The following AGTPBP1 variants were observed in gnomAD, a reference collection of about 807,000 sequenced individuals.
The protein encoded by AGTPBP1 is ATP/GTP binding carboxypeptidase 1.
A neutral mutation model predicts 143.9 loss-of-function variants in AGTPBP1; 70 were observed. The ratio of observed to expected loss-of-function variants is 0.49; its 90% CI spans 0.40 to 0.59. AGTPBP1 has a LOEUF of 0.59. Ranked by LOEUF, AGTPBP1 falls within the 20% of genes least tolerant of loss-of-function variation. The pLI, the probability that AGTPBP1 is intolerant of heterozygous loss-of-function variation, is 0.00. For missense variants in AGTPBP1, 1,229 were observed against 1,464.5 expected, an observed-to-expected ratio of 0.84 and a Z score of 2.62; for synonymous variants, 463 against 500.2, an observed-to-expected ratio of 0.93 and a Z score of 0.99.
At chr9:85,618,664 T>C (rs1830733595) in intron 17 of AGTPBP1, among the ~76,000 whole-genome samples, 1 of 151,788 alleles carries the variant, frequency 6.6e-6, no homozygotes, top group African/African-American at 2.4e-5. Context: ...CAACATAATA[T>C]ACCATATTAA....
chr9:85,669,796 C>CAAA lies in AGTPBP1; in HGVS notation c.569-221_569-219dup, dbSNP rs35265103. On this transcript the variant is annotated intron_variant, in intron 7 of 25. Coordinates refer to ENST00000357081, the MANE Select transcript of AGTPBP1 (RefSeq NM_001330701.2). ...GGGAAATTCTGAAACGAGTTATATG[C>CAAA]AAAAAAAAAAAAAAACCACTATTAT... Among the ~76,000 whole-genome samples, 4 of 126,432 alleles carry CAAA rather than the reference C, an allele frequency of 3.2e-5. No homozygotes were observed. In the South Asian group the frequency reaches 7.6e-4, roughly 24 times the overall value. The allele number at this position is 126,432 out of a possible 152,430, so 82.9% of individuals were successfully genotyped here. A position where few individuals can be genotyped will look rare whatever the true frequency, so the allele number is the denominator to read the frequency against.
At chr9:85,634,575 G>A (rs1485220528) in intron 13 of AGTPBP1, among the ~76,000 whole-genome samples, 3 of 152,146 alleles carry the variant, frequency 2.0e-5, no homozygotes, top group South Asian at 2.1e-4. Flanking sequence ...GCCATGACAC[G>A]AGTTATTTTT....
At chr9:85,803,964 G>C in the AGTPBP1 span, among the ~76,000 whole-genome samples, 4 of 151,892 alleles carry the variant, frequency 2.6e-5, no homozygotes, top group Non-Finnish European at 5.9e-5. Context: ...AAATTCTATA[G>C]ATTCTGCATG....
At chr9:85,592,238 T>TA (rs1829015672) in intron 19 of AGTPBP1, among the ~76,000 whole-genome samples, 1 of 151,932 alleles carries the variant, frequency 6.6e-6, no homozygotes, top group African/African-American at 2.4e-5. Context: ...AGATGGGAAG[T>TA]AAAAATCATG....
At chr9:85,661,984 G>A (rs1226669779) in intron 8 of AGTPBP1, among the ~76,000 whole-genome samples, 1 of 152,006 alleles carries the variant, frequency 6.6e-6, no homozygotes, top group Non-Finnish European at 1.5e-5. Context: ...CTCTTCCACA[G>A]ATAATTTTAC....
chr9:85,623,763 A>C (rs1421830653), intron 14 of AGTPBP1, among the ~76,000 whole-genome samples: 1 of 152,044 alleles, frequency 6.6e-6, no homozygotes, highest in Non-Finnish European at 1.5e-5. Flanking sequence ...TCTCAAAAAA[A>C]AAAAAAAAGG....
intron 1 of AGTPBP1, among the ~76,000 whole-genome samples, chr9:85,735,489 T>G (rs1252443442): frequency 1.3e-5 from 2 of 152,226 alleles, no homozygotes; most frequent in African/African-American, 4.8e-5. Context: ...TGAATATACT[T>G]GATGCCACTA....
At chr9:85,591,181 C>CA (rs59204739) in intron 19 of AGTPBP1, among the ~76,000 whole-genome samples, 26,995 of 126,306 alleles carry the variant, frequency 0.21, 3,167 homozygotes, top group East Asian at 0.53. Flanking sequence ...GTGGATATGG[C>CA]AAAAAAAAAA....
intron 11 of AGTPBP1, among the ~76,000 whole-genome samples, chr9:85,652,290 C>T (rs55753809): frequency 0.069 from 10,572 of 152,142 alleles, 470 homozygotes; most frequent in Middle Eastern, 0.13. Context: ...GCAGGCGGAT[C>T]ACAAGGTCAA....
chr9:85,593,147 G>T (rs1314286193), intron 18 of AGTPBP1, among the ~76,000 whole-genome samples: 1 of 152,132 alleles, frequency 6.6e-6, no homozygotes, highest in African/African-American at 2.4e-5. Flanking sequence ...GTTGTTTCCT[G>T]ATGTGATGCA....
intron 23 of AGTPBP1, among the ~76,000 whole-genome samples, chr9:85,583,257 G>C (rs529119687): frequency 5.3e-5 from 8 of 152,182 alleles, no homozygotes; most frequent in Non-Finnish European, 1.0e-4. Flanking sequence ...AATTTGTTTT[G>C]CTATGTTTGT....
intron 11 of AGTPBP1, among the ~76,000 whole-genome samples, chr9:85,649,329 T>C (rs1326435057): frequency 6.6e-6 from 1 of 152,236 alleles, no homozygotes; most frequent in Admixed American, 6.5e-5. Context: ...CTATTGTGCC[T>C]ATAAATGTGA....
intron 2 of AGTPBP1, among the ~76,000 whole-genome samples, chr9:85,705,217 T>TAA (rs899175527): frequency 8.3e-5 from 11 of 131,746 alleles, no homozygotes; most frequent in Middle Eastern, 3.8e-3. Flanking sequence ...CAAGAAACAT[T>TAA]AAAAAAAAAA....
Position 85,592,601 on chromosome 9 carries a change from A to G in AGTPBP1, c.2527T>C (p.Tyr843His), listed in dbSNP as rs1212249496. 2 of 1,611,914 alleles carry G rather than the reference A, an allele frequency of 1.2e-6. No homozygotes were observed. Among genetic ancestry groups the G allele is most frequent in the Non-Finnish European group, 1.7e-6 (2 of 1,179,142 alleles). Residue 843 changes from tyrosine to histidine, a missense_variant, in exon 19 of 26, where the codon TAC becomes CAC. Tyr to His is a moderately conservative substitution (Grantham distance 83, BLOSUM62 2). Coordinates refer to ENST00000357081, the MANE Select transcript of AGTPBP1 (RefSeq NM_001330701.2). Reference protein sequence around the residue: ...VNFPHKDDVCYFAYHYPYTYS... With the variant: ...VNFPHKDDVCHFAYHYPYTYS... Reference sequence around the variant, plus strand: ...GTATATGGATAGTGATAAGCAAAGTAGCAAACATCATCTTTATGTGGAAAA... The same window carrying G: ...GTATATGGATAGTGATAAGCAAAGTGGCAAACATCATCTTTATGTGGAAAA...
chr9:85,633,323 C>G lies in AGTPBP1; in HGVS notation c.1354G>C (p.Val452Leu). 6.3e-7 allele frequency: 1 copy of G among 1,599,160 alleles called. No individual in the cohort carries two copies. Among genetic ancestry groups the G allele is most frequent in the Non-Finnish European group, 8.5e-7 (1 of 1,176,166 alleles). Residue 452 changes from valine (V) to leucine (L), a missense_variant, in exon 14 of 26, where the codon GTA becomes CTA. Val to Leu is a conservative substitution (Grantham distance 32, BLOSUM62 1). Transcript: ENST00000357081. ...EPKPFVFEGK[V>L]RGPIVVPTAG... ...GTAGGAACAACAATAGGACCACGTA[C>G]TTTTCCCTCAAATACAAAAGGCTTT...
At chr9:85,715,528 T>C (rs1004260392) in intron 1 of AGTPBP1, among the ~76,000 whole-genome samples, 3 of 152,188 alleles carry the variant, frequency 2.0e-5, no homozygotes, top group Non-Finnish European at 4.4e-5. Context: ...CTGTGGAACA[T>C]GCTCAGCAGT....
At chr9:85,775,614 G>T in the AGTPBP1 span, among the ~76,000 whole-genome samples, 1 of 148,894 alleles carries the variant, frequency 6.7e-6, no homozygotes, top group East Asian at 1.9e-4. Flanking sequence ...ATAAAGGGGA[G>T]TTTATTAAGT....
At chr9:85,789,455 TTTCCTC>T in the AGTPBP1 span, among the ~76,000 whole-genome samples, 1 of 152,224 alleles carries the variant, frequency 6.6e-6, no homozygotes, top group Non-Finnish European at 1.5e-5. Flanking sequence ...TACGTTCTTT[TTTCCTC>T]TAACTGTAAT....
chr9:85,742,264 G>A (rs1431704396), upstream of AGTPBP1, among the ~76,000 whole-genome samples: 1 of 152,084 alleles, frequency 6.6e-6, no homozygotes, highest in African/African-American at 2.4e-5. Flanking sequence ...CCTCCGTACC[G>A]AACTGCGAGC....
Sources: gnomAD v4.1 joint callset for allele counts (sites outside exome capture counted in the v4.1 genomes callset) on GRCh38, gnomAD v4.1.1 for gene constraint, MANE v1.5 for transcripts, NCBI Gene and HGNC (gene_info 2026-07-23, HGNC 2026-07-21) for gene names.